The following RARB variants were observed in gnomAD, a reference collection of about 807,000 sequenced individuals.
RARB encodes retinoic acid receptor beta.
In RARB, 17 loss-of-function variants were observed where a neutral mutation model predicts 51.9. The observed-to-expected ratio is 0.33, with a 90% CI of 0.22 to 0.49. The LOEUF (loss-of-function observed/expected upper bound fraction) is 0.49, where lower values mean the gene tolerates loss of function less well. Among genes scored for constraint, RARB ranks in the 20% least tolerant of loss-of-function variants. The pLI is 0.99. For synonymous variants in RARB, 215 were observed against 195.4 expected, an observed-to-expected ratio of 1.10 and a Z score of -0.84; for missense variants, 369 against 550.8, an observed-to-expected ratio of 0.67 and a Z score of 3.30.
At chr3:24,858,165 C>T (rs762491016) in intron 1 of RARB, among the ~76,000 whole-genome samples, 19 of 152,084 alleles carry the variant, frequency 1.2e-4, no homozygotes, top group Non-Finnish European at 2.6e-4. Flanking sequence ...AGGTGTCTCT[C>T]AGTAGACCCT....
chr3:25,217,738 A>G (rs1229651355), intron 5 of RARB, among the ~76,000 whole-genome samples: 1 of 152,196 alleles, frequency 6.6e-6, no homozygotes, highest in African/African-American at 2.4e-5. Context: ...TTAATTGAGA[A>G]TGTGCACTAA....
chr3:24,985,328 C>T (rs1211249073), intron 2 of RARB, among the ~76,000 whole-genome samples: 1 of 150,996 alleles, frequency 6.6e-6, no homozygotes, highest in African/African-American at 2.4e-5. Context: ...ACTGCCATGG[C>T]ATTTGCCTCA....
intron 2 of RARB, among the ~76,000 whole-genome samples, chr3:25,054,264 T>A (rs982409751): frequency 6.6e-6 from 1 of 152,146 alleles, no homozygotes; most frequent in Admixed American, 6.6e-5. Flanking sequence ...GACAGGGAAG[T>A]TGGCTAAGCA....
intron 4 of RARB, among the ~76,000 whole-genome samples, chr3:25,575,513 C>T (rs1371004901): frequency 6.6e-6 from 1 of 152,218 alleles, no homozygotes; most frequent in Non-Finnish European, 1.5e-5. Flanking sequence ...CACGCTGTCT[C>T]TGACAGCTCT....
chr3:25,287,733 A>C (rs1703690412), intron 5 of RARB, among the ~76,000 whole-genome samples: 1 of 152,194 alleles, frequency 6.6e-6, no homozygotes, highest in South Asian at 2.1e-4. Context: ...ATGATGTCTT[A>C]TGTATTGCAT....
At chr3:25,439,073 G>C (rs1284808541) in intron 1 of RARB, among the ~76,000 whole-genome samples, 3 of 152,150 alleles carry the variant, frequency 2.0e-5, no homozygotes, top group Admixed American at 1.3e-4. Flanking sequence ...TGAGAGATGG[G>C]AAACTGGGCT....
At chr3:24,964,235 A>G (rs1448181276) in intron 2 of RARB, among the ~76,000 whole-genome samples, 2 of 152,104 alleles carry the variant, frequency 1.3e-5, no homozygotes. Context: ...TGGTTATATA[A>G]AGGCTATTTC....
intron 3 of RARB, among the ~76,000 whole-genome samples, chr3:25,085,138 A>C (rs1036256131): frequency 3.3e-5 from 5 of 152,186 alleles, no homozygotes; most frequent in Non-Finnish European, 7.3e-5. Flanking sequence ...TAGATGTGCC[A>C]CCTGAAGTTC....
chr3:25,114,051 C>T (rs531105187), intron 3 of RARB, among the ~76,000 whole-genome samples: 1 of 152,258 alleles, frequency 6.6e-6, no homozygotes, highest in South Asian at 2.1e-4. Flanking sequence ...ACCTACACAC[C>T]TGCTTAACTG....
chr3:24,879,285 C>A (rs570523530), intron 2 of RARB, among the ~76,000 whole-genome samples: 1 of 151,644 alleles, frequency 6.6e-6, no homozygotes, highest in African/African-American at 2.4e-5. Context: ...AAAAATTAGC[C>A]GGGCGTGGTG....
intron 2 of RARB, among the ~76,000 whole-genome samples, chr3:25,017,049 T>A (rs1697525062): frequency 6.6e-6 from 1 of 152,180 alleles, no homozygotes; most frequent in Non-Finnish European, 1.5e-5. Context: ...AGCCCATGTT[T>A]AAGGAGAAAG....
intron 5 of RARB, among the ~76,000 whole-genome samples, chr3:25,392,266 G>C (rs1373027710): frequency 6.6e-6 from 1 of 152,120 alleles, no homozygotes; most frequent in Non-Finnish European, 1.5e-5. Flanking sequence ...TTTTATACCA[G>C]TACCATGCTG....
At chr3:25,414,379 A>G (rs1559390761) in intron 5 of RARB, among the ~76,000 whole-genome samples, 1 of 152,236 alleles carries the variant, frequency 6.6e-6, no homozygotes, top group Admixed American at 6.5e-5. Flanking sequence ...TAAAGCTACT[A>G]TGAATGTTCA....
intron 2 of RARB, among the ~76,000 whole-genome samples, chr3:24,955,166 T>A (rs1695982941): frequency 6.6e-6 from 1 of 152,120 alleles, no homozygotes; most frequent in South Asian, 2.1e-4. Context: ...GAAGTGGCTC[T>A]CAGCAGAAGG....
intron 2 of RARB, among the ~76,000 whole-genome samples, chr3:24,953,805 G>C (rs1695950746): frequency 6.6e-6 from 1 of 151,970 alleles, no homozygotes; most frequent in Non-Finnish European, 1.5e-5. Flanking sequence ...CACATTTATG[G>C]TGTGCCGTGC....
chr3:25,250,230 G>C (rs1407136450), intron 5 of RARB, among the ~76,000 whole-genome samples: 1 of 152,152 alleles, frequency 6.6e-6, no homozygotes, highest in East Asian at 1.9e-4. Flanking sequence ...TGGTGGATGG[G>C]GCAGGGTGAT....
chr3:25,137,829 C>T (rs561087338), intron 4 of RARB, among the ~76,000 whole-genome samples: 44 of 152,192 alleles, frequency 2.9e-4, no homozygotes, highest in South Asian at 2.5e-3. Flanking sequence ...CCTGTCCTTT[C>T]GGCCCACAGC....
intron 5 of RARB, among the ~76,000 whole-genome samples, chr3:25,308,068 G>A (rs1036566733): frequency 1.3e-5 from 2 of 152,128 alleles, no homozygotes; most frequent in African/African-American, 2.4e-5. Context: ...CTAAATTATG[G>A]TGCCCATGAG....
rs1175143541 is a variant in RARB, at chr3:25,594,400, T to G, written c.992-120T>G. 13 of 1,118,538 alleles carry G rather than the reference T, an allele frequency of 1.2e-5. 1 individual carries two copies. Among genetic ancestry groups the G allele is most frequent in the Non-Finnish European group, 1.6e-5 (13 of 814,852 alleles). The allele number at this position is 1,118,538 out of a possible 1,614,324, so 69.3% of individuals were successfully genotyped here. ...AAAGCAACTGCATAAGTCTGCAAATTTGTGTATGTAATTGAATTACCAAAT... is the reference window on the plus strand; with the variant it reads ...AAAGCAACTGCATAAGTCTGCAAATGTGTGTATGTAATTGAATTACCAAAT... On this transcript the variant is annotated intron_variant, in intron 6 of 7. Coordinates refer to ENST00000330688, the MANE Select transcript of RARB (RefSeq NM_000965.5).
Sources: gnomAD v4.1 joint callset for allele counts (sites outside exome capture counted in the v4.1 genomes callset) on GRCh38, gnomAD v4.1.1 for gene constraint, MANE v1.5 for transcripts, NCBI Gene and HGNC (gene_info 2026-07-23, HGNC 2026-07-21) for gene names.